The following FGF14 variants were observed in gnomAD, a reference collection of about 807,000 sequenced individuals.
FGF14 encodes fibroblast growth factor 14.
In FGF14, 5 loss-of-function variants were observed where a neutral mutation model predicts 25.5. The observed-to-expected ratio is 0.20, with a 90% CI of 0.10 to 0.41. The LOEUF is 0.41. Ranked by LOEUF, FGF14 falls within the 10% of genes least tolerant of loss-of-function variation. The pLI, the probability that FGF14 is intolerant of heterozygous loss-of-function variation, is 1.00. For synonymous variants in FGF14, 138 were observed against 118.3 expected, an observed-to-expected ratio of 1.17 and a Z score of -1.08; for missense variants, 222 against 320.1, an observed-to-expected ratio of 0.69 and a Z score of 2.34.
chr13:102,261,974 G>C (rs1168510003), intron 1 of FGF14, among the ~76,000 whole-genome samples: 1 of 152,052 alleles, frequency 6.6e-6, no homozygotes, highest in Non-Finnish European at 1.5e-5. Flanking sequence ...ACTTAAATTG[G>C]GTGTTTGGCT....
intron 1 of FGF14, among the ~76,000 whole-genome samples, chr13:102,170,467 A>G (rs960527618): frequency 6.6e-6 from 1 of 152,026 alleles, no homozygotes; most frequent in African/African-American, 2.4e-5. Flanking sequence ...TTAGAGAGAA[A>G]GTCATTTACA....
At chr13:101,976,332 A>G (rs1243776349) in intron 1 of FGF14, among the ~76,000 whole-genome samples, 2 of 152,188 alleles carry the variant, frequency 1.3e-5, no homozygotes, top group African/African-American at 4.8e-5. Flanking sequence ...TGTTTAAGCA[A>G]CTTAATAAGC....
At chr13:102,011,285 C>A (rs935236275) in intron 1 of FGF14, among the ~76,000 whole-genome samples, 1 of 152,094 alleles carries the variant, frequency 6.6e-6, no homozygotes, top group Non-Finnish European at 1.5e-5. Flanking sequence ...ACAAAATGTA[C>A]CCAATATATT....
chr13:102,271,312 C>G (rs2053234804), intron 1 of FGF14, among the ~76,000 whole-genome samples: 1 of 152,116 alleles, frequency 6.6e-6, no homozygotes, highest in Admixed American at 6.6e-5. Context: ...AATAAAACTC[C>G]ATCATACTCA....
At chr13:102,162,329 T>C (rs554406009) in intron 1 of FGF14, among the ~76,000 whole-genome samples, 1 of 152,310 alleles carries the variant, frequency 6.6e-6, no homozygotes, top group Non-Finnish European at 1.5e-5. Context: ...AAGAGAAAGC[T>C]TTTAGAAAAA....
intron 1 of FGF14, among the ~76,000 whole-genome samples, chr13:102,343,204 A>G (rs1443130062): frequency 6.6e-6 from 1 of 152,176 alleles, no homozygotes; most frequent in Non-Finnish European, 1.5e-5. Context: ...CGCAGAGATA[A>G]TAAGAGCTTA....
intron 3 of FGF14, among the ~76,000 whole-genome samples, chr13:101,754,898 A>C (rs1009502592): frequency 1.3e-5 from 2 of 152,186 alleles, no homozygotes; most frequent in Non-Finnish European, 2.9e-5. Context: ...TTCTCATTTA[A>C]CTGTAAACTA....
chr13:102,321,239 A>G (rs1383167344), intron 1 of FGF14, among the ~76,000 whole-genome samples: 1 of 152,156 alleles, frequency 6.6e-6, no homozygotes, highest in Non-Finnish European at 1.5e-5. Flanking sequence ...AAAAGCTTTC[A>G]ATTCAGTGCT....
chr13:102,199,714 C>T (rs983756516), intron 1 of FGF14, among the ~76,000 whole-genome samples: 1 of 152,184 alleles, frequency 6.6e-6, no homozygotes, highest in Non-Finnish European at 1.5e-5. Flanking sequence ...TCTAATCTCA[C>T]GCACTGCAAT....
intron 3 of FGF14, among the ~76,000 whole-genome samples, chr13:101,802,669 T>C (rs2040950672): frequency 6.6e-6 from 1 of 152,208 alleles, no homozygotes; most frequent in Admixed American, 6.5e-5. Flanking sequence ...CAAAATTATA[T>C]GTATTTCCAA....
At chr13:102,001,304 C>T (rs1310481353) in intron 1 of FGF14, among the ~76,000 whole-genome samples, 2 of 152,016 alleles carry the variant, frequency 1.3e-5, no homozygotes, top group African/African-American at 4.8e-5. Context: ...AAGCATAATA[C>T]CTGGTTTCAG....
At chr13:101,988,128 A>G (rs2038694893) in intron 1 of FGF14, among the ~76,000 whole-genome samples, 1 of 152,130 alleles carries the variant, frequency 6.6e-6, no homozygotes, top group Non-Finnish European at 1.5e-5. Flanking sequence ...ATTAGCAAAG[A>G]CACATTAAGC....
intron 1 of FGF14, among the ~76,000 whole-genome samples, chr13:102,193,163 AC>A (rs1403616449): frequency 6.6e-6 from 1 of 152,150 alleles, no homozygotes; most frequent in Non-Finnish European, 1.5e-5. Context: ...TTATTTTCTC[AC>A]AGTCCTGGAG....
chr13:102,319,186 T>A, intron 1 of FGF14, among the ~76,000 whole-genome samples: 1 of 152,214 alleles, frequency 6.6e-6, no homozygotes, highest in Admixed American at 6.5e-5. Context: ...TAGTGTCATA[T>A]GAGAGTCCCT....
intron 1 of FGF14, among the ~76,000 whole-genome samples, chr13:102,076,587 C>G (rs573199949): frequency 6.6e-6 from 1 of 151,856 alleles, no homozygotes; most frequent in Admixed American, 6.6e-5. Context: ...TATTTGTACA[C>G]TGAAAAACTG....
intron 3 of FGF14, among the ~76,000 whole-genome samples, chr13:101,774,665 G>A (rs2038984393): frequency 6.6e-6 from 1 of 152,208 alleles, no homozygotes; most frequent in East Asian, 1.9e-4. Context: ...ATTGGATAAA[G>A]AGTGAATCTT....
intron 1 of FGF14, among the ~76,000 whole-genome samples, chr13:101,987,277 T>C (rs2038638526): frequency 6.6e-6 from 1 of 152,100 alleles, no homozygotes; most frequent in East Asian, 1.9e-4. Flanking sequence ...TGCTCTCCTA[T>C]CAGTCTTCCT....
Position 101,991,011 on chromosome 13 carries a change from A to G in FGF14, c.209-115715T>C, listed in dbSNP as rs1282811214. On this transcript the variant is annotated intron_variant, in intron 1 of 4. Transcript: ENST00000376131. ...GCTCCTATTTATACTAATGGAGCAC[A>G]TTACTTTTTAACCTTGGAGCACAAT... Among the ~76,000 whole-genome samples, 3 of 152,260 alleles carry G rather than the reference A, an allele frequency of 2.0e-5. No individual in the cohort carries two copies. In the East Asian group the frequency reaches 5.8e-4, roughly 29 times the overall value.
chr13:102,299,370 A>G (rs1002227190), intron 1 of FGF14, among the ~76,000 whole-genome samples: 4 of 152,156 alleles, frequency 2.6e-5, no homozygotes, highest in African/African-American at 7.2e-5. Flanking sequence ...TTAAGAATAT[A>G]AAGCAGTGCA....
Sources: gnomAD v4.1 joint callset for allele counts (sites outside exome capture counted in the v4.1 genomes callset) on GRCh38, gnomAD v4.1.1 for gene constraint, MANE v1.5 for transcripts, NCBI Gene and HGNC (gene_info 2026-07-23, HGNC 2026-07-21) for gene names.